SLC16A7: variants seen among roughly 807,000 people sequenced by gnomAD.
SLC16A7 encodes the protein monocarboxylate transporter 2.
In SLC16A7, 33 loss-of-function variants were observed where a neutral mutation model predicts 34.9. The ratio of observed to expected loss-of-function variants is 0.94; its 90% CI spans 0.72 to 1.26. SLC16A7 has a LOEUF of 1.26. Ranked by LOEUF, SLC16A7 falls within the 50% of genes most tolerant of loss-of-function variation. The probability of loss-of-function intolerance (pLI) is 0.00; values close to 1 mark genes in which losing one functional copy is unlikely to be tolerated. For missense variants in SLC16A7, 573 were observed against 578.1 expected (o/e 0.99, Z 0.09); for synonymous variants, 201 against 206.6 (o/e 0.97, Z 0.23).
chr12:59,755,456 C>T (rs1880197075), intron 3 of SLC16A7, among the ~76,000 whole-genome samples: 1 of 152,070 alleles, frequency 6.6e-6, no homozygotes, highest in Admixed American at 6.6e-5. Flanking sequence ...TCTTATATAC[C>T]AATAACAGAC....
At chr12:59,667,875 A>T (rs777199532) in intron 2 of SLC16A7, among the ~76,000 whole-genome samples, 1 of 152,194 alleles carries the variant, frequency 6.6e-6, no homozygotes, top group Non-Finnish European at 1.5e-5. Context: ...TGTACAGCCT[A>T]GGGACTTGGT....
At chr12:59,749,958 AT>A (rs1165170737) in intron 3 of SLC16A7, among the ~76,000 whole-genome samples, 30 of 152,364 alleles carry the variant, frequency 2.0e-4, no homozygotes, top group Non-Finnish European at 3.2e-4. Context: ...AAGCAGGGCA[AT>A]GGGGAAAGCA....
intron 3 of SLC16A7, among the ~76,000 whole-genome samples, chr12:59,720,717 T>C (rs1875478441): frequency 6.6e-6 from 1 of 152,070 alleles, no homozygotes; most frequent in Non-Finnish European, 1.5e-5. Context: ...TCAAATAATC[T>C]CAATTTTTAA....
chr12:59,683,374 C>G lies in SLC16A7; in HGVS notation c.-30-21398C>G, dbSNP rs182818955. Among the ~76,000 whole-genome samples, 23 of 152,088 alleles carry G rather than the reference C, an allele frequency of 1.5e-4. No individual in the cohort carries two copies. The East Asian group carries it at 4.1e-3, about 27-fold the overall frequency. On this transcript the variant is annotated intron_variant, in intron 2 of 5. Transcript: ENST00000547379. ...CTGCTAGGATGTGTTGGAGAGAGGCCAGAAGATGGGAGGCAAGGTTGGGAA... is the reference window on the plus strand; with the variant it reads ...CTGCTAGGATGTGTTGGAGAGAGGCGAGAAGATGGGAGGCAAGGTTGGGAA...
At chr12:59,621,119 A>AT (rs529978775) in intron 1 of SLC16A7, among the ~76,000 whole-genome samples, 1 of 151,796 alleles carries the variant, frequency 6.6e-6, no homozygotes, top group East Asian at 1.9e-4. Context: ...CTAGACTGCT[A>AT]TTTTTTTGGT....
At chr12:59,753,719 T>C (rs952833435) in intron 3 of SLC16A7, among the ~76,000 whole-genome samples, 1 of 152,094 alleles carries the variant, frequency 6.6e-6, no homozygotes, top group African/African-American at 2.4e-5. Flanking sequence ...TTAACAAGGA[T>C]ACCCAGGAAT....
chr12:59,619,286 C>T (rs1282931837), intron 1 of SLC16A7, among the ~76,000 whole-genome samples: 1 of 151,928 alleles, frequency 6.6e-6, no homozygotes, highest in African/African-American at 2.4e-5. Flanking sequence ...AAAATTGAAT[C>T]GTGCAATCAA....
chr12:59,665,828 G>T (rs555920987), intron 2 of SLC16A7, among the ~76,000 whole-genome samples: 44 of 151,876 alleles, frequency 2.9e-4, no homozygotes, highest in African/African-American at 9.4e-4. Context: ...GTGTGTGTGT[G>T]TGTGTGTGTG....
chr12:59,656,692 A>C (rs1303986507), intron 2 of SLC16A7, among the ~76,000 whole-genome samples: 1 of 152,044 alleles, frequency 6.6e-6, no homozygotes, highest in African/African-American at 2.4e-5. Flanking sequence ...AATTACAGAC[A>C]GCCTCAGAGT....
intron 1 of SLC16A7, among the ~76,000 whole-genome samples, chr12:59,644,815 C>G: frequency 6.6e-6 from 1 of 152,226 alleles, no homozygotes; most frequent in South Asian, 2.1e-4. Context: ...AATTTCCTGA[C>G]AGTTGGAGAC....
chr12:59,774,458 G>C (rs1882532501), intron 4 of SLC16A7, among the ~76,000 whole-genome samples, 199 bp from the exon 5 acceptor site: 2 of 152,168 alleles, frequency 1.3e-5, no homozygotes, highest in South Asian at 4.1e-4. Context: ...AACTTGAAAT[G>C]AAACTGTCGT....
At chr12:59,698,466 G>A (rs936665073) in intron 2 of SLC16A7, among the ~76,000 whole-genome samples, 1 of 151,686 alleles carries the variant, frequency 6.6e-6, no homozygotes, top group Non-Finnish European at 1.5e-5. Flanking sequence ...TTGAAATGAA[G>A]ATGTCTTACA....
rs192508655 is a variant in SLC16A7, at chr12:59,625,724, C to T, written c.-129-29428C>T. Among the ~76,000 whole-genome samples the T allele has an allele frequency of 2.0e-4, 30 of 151,904 alleles. 1 individual carries two copies. In the East Asian group the frequency reaches 5.8e-3, roughly 30 times the overall value. On this transcript the variant is annotated intron_variant, in intron 1 of 5. Transcript: ENST00000547379. ...TTTATTTGACCTGTGGTCTACTTAG[C>T]TGTGGCCTTGGGTAAGGATCGTGTG...
At chr12:59,637,762 A>C in intron 1 of SLC16A7, among the ~76,000 whole-genome samples, 1 of 152,138 alleles carries the variant, frequency 6.6e-6, no homozygotes, top group Non-Finnish European at 1.5e-5. Context: ...CAACACTGTT[A>C]AGAGGTGGGG....
intron 1 of SLC16A7, among the ~76,000 whole-genome samples, chr12:59,603,546 C>T (rs2136957872): frequency 6.6e-6 from 1 of 152,308 alleles, no homozygotes; most frequent in South Asian, 2.1e-4. Flanking sequence ...ACACCACATA[C>T]AAATTTTCCT....
intron 3 of SLC16A7, among the ~76,000 whole-genome samples, chr12:59,767,619 T>C (rs559598030): frequency 1.3e-5 from 2 of 152,216 alleles, no homozygotes; most frequent in African/African-American, 4.8e-5. Context: ...TACAGCGTAG[T>C]TTGCTGAATA....
chr12:59,770,508 C>A (rs1387127383), intron 3 of SLC16A7, among the ~76,000 whole-genome samples: 1 of 152,110 alleles, frequency 6.6e-6, no homozygotes, highest in Non-Finnish European at 1.5e-5. Context: ...TTTTCAAATG[C>A]TCCTTAAAAG....
rs199966764 is a variant in SLC16A7, at chr12:59,704,769, T to C, written c.-30-3T>C. The C allele has an allele frequency of 1.6e-3, 2,311 of 1,423,540 alleles. 31 individuals are homozygous for C. The South Asian group carries it at 0.019, about 12-fold the overall frequency. 88.2% of individuals were successfully genotyped at this position (1,423,540 alleles called of 1,614,324 possible). ...AAACTGTTATTTCATTATTTTAATA[T>C]AGGTTACTTGAATTTCCACTAGAGG... On this transcript the variant is annotated splice_polypyrimidine_tract_variant and splice_region_variant and intron_variant, in intron 2 of 5. Transcript: ENST00000547379.
intron 3 of SLC16A7, among the ~76,000 whole-genome samples, chr12:59,737,188 C>G (rs887879344): frequency 6.6e-6 from 1 of 152,198 alleles, no homozygotes; most frequent in Non-Finnish European, 1.5e-5. Flanking sequence ...ATACAACTCA[C>G]CTAATCCTCT....
Sources: gnomAD v4.1 joint callset for allele counts (sites outside exome capture counted in the v4.1 genomes callset) on GRCh38, gnomAD v4.1.1 for gene constraint, MANE v1.5 for transcripts, NCBI Gene and HGNC (gene_info 2026-07-23, HGNC 2026-07-21) for gene names.